The following BMPR1B variants were observed in gnomAD, a reference collection of about 807,000 sequenced individuals.
BMPR1B encodes bone morphogenetic protein receptor type-1B.
In BMPR1B, 12 loss-of-function variants were observed where a neutral mutation model predicts 59.1. That is an observed-to-expected ratio of 0.20 (90% CI 0.13 to 0.33). BMPR1B has a LOEUF of 0.33. Ranked by LOEUF, BMPR1B falls within the 10% of genes least tolerant of loss-of-function variation. The pLI is 1.00. For missense variants in BMPR1B, 550 were observed against 610.9 expected, an observed-to-expected ratio of 0.90 and a Z score of 1.05; for synonymous variants, 237 against 207.3, an observed-to-expected ratio of 1.14 and a Z score of -1.23.
intron 3 of BMPR1B, among the ~76,000 whole-genome samples, chr4:95,016,592 A>G (rs1723602600): frequency 6.6e-6 from 1 of 152,210 alleles, no homozygotes; most frequent in East Asian, 1.9e-4. Flanking sequence ...GCAATTATTT[A>G]TAGATTGTAG....
intron 3 of BMPR1B, among the ~76,000 whole-genome samples, chr4:95,085,263 ATGGGAT>A (rs1396498701): frequency 6.6e-6 from 1 of 152,090 alleles, no homozygotes; most frequent in Non-Finnish European, 1.5e-5. Context: ...GTGAGAAGAG[ATGGGAT>A]CCAGCAGACC....
chr4:95,142,602 T>C (rs945425151), intron 10 of BMPR1B, among the ~76,000 whole-genome samples: 1 of 152,166 alleles, frequency 6.6e-6, no homozygotes, highest in African/African-American at 2.4e-5. Flanking sequence ...CCTCTCTTTC[T>C]TTTAGGCATC....
At chr4:95,117,804 TAA>T (rs1732182507) in intron 6 of BMPR1B, among the ~76,000 whole-genome samples, 1 of 151,894 alleles carries the variant, frequency 6.6e-6, no homozygotes, top group African/African-American at 2.4e-5. Context: ...TCTTTTTAAA[TAA>T]ATAAGAAAAG....
At chr4:94,934,019 C>A (rs1024784271) in intron 2 of BMPR1B, among the ~76,000 whole-genome samples, 2 of 152,136 alleles carry the variant, frequency 1.3e-5, no homozygotes, top group African/African-American at 4.8e-5. Flanking sequence ...TAGATACACC[C>A]TGCAGTAGCT....
At chr4:94,972,135 A>G (rs568220403) in intron 2 of BMPR1B, among the ~76,000 whole-genome samples, 1 of 151,842 alleles carries the variant, frequency 6.6e-6, no homozygotes, top group South Asian at 2.1e-4. Context: ...TTTTTCTACA[A>G]TAAATGATGC....
At chr4:94,786,779 C>T (rs181378293) in intron 1 of BMPR1B, among the ~76,000 whole-genome samples, 11 of 152,144 alleles carry the variant, frequency 7.2e-5, no homozygotes, top group East Asian at 5.8e-4. Context: ...CTCCTGACCT[C>T]GTGATCCACC....
intron 2 of BMPR1B, among the ~76,000 whole-genome samples, chr4:94,915,722 A>G (rs1728458601): frequency 6.6e-6 from 1 of 152,180 alleles, no homozygotes; most frequent in African/African-American, 2.4e-5. Context: ...TATGTGTACA[A>G]TCACGTTTGG....
intron 1 of BMPR1B, among the ~76,000 whole-genome samples, chr4:94,869,314 A>G (rs1282188826): frequency 6.6e-6 from 1 of 151,994 alleles, no homozygotes; most frequent in East Asian, 1.9e-4. Context: ...TTTTCTTTAA[A>G]CCTTTTTCCG....
intron 2 of BMPR1B, among the ~76,000 whole-genome samples, chr4:94,937,901 G>A (rs531953400): frequency 1.8e-4 from 28 of 152,206 alleles, no homozygotes; most frequent in African/African-American, 5.1e-4. Context: ...GTGGCTATGG[G>A]ATAAATGAGT....
chr4:94,969,679 C>A lies in BMPR1B; in HGVS notation c.-112-26361C>A, dbSNP rs1022389264. Among the ~76,000 whole-genome samples the A allele has an allele frequency of 5.9e-5, 9 of 152,266 alleles. No homozygotes were observed. The South Asian group carries it at 1.0e-3, about 18-fold the overall frequency. On this transcript the variant is annotated intron_variant, in intron 2 of 12. Coordinates refer to ENST00000515059, the MANE Select transcript of BMPR1B (RefSeq NM_001203.3). ...TTATTTTTCTCCTTAACATTTATCA[C>A]TAATACATACATATTTCACTTGTGA... is the stretch of plus-strand genomic sequence containing the variant.
At chr4:94,837,197 C>T (rs1208284803) in intron 1 of BMPR1B, among the ~76,000 whole-genome samples, 1 of 147,712 alleles carries the variant, frequency 6.8e-6, no homozygotes. Context: ...TAGCGTGATG[C>T]CTCCAGCTTT....
chr4:94,975,760 T>A (rs1731009248), intron 2 of BMPR1B, among the ~76,000 whole-genome samples: 2 of 152,210 alleles, frequency 1.3e-5, no homozygotes, highest in African/African-American at 4.8e-5. Context: ...TCCCAAAGAT[T>A]TATAGACAAT....
chr4:95,095,139 T>C (rs921803360), intron 3 of BMPR1B, among the ~76,000 whole-genome samples: 1 of 151,984 alleles, frequency 6.6e-6, no homozygotes, highest in Non-Finnish European at 1.5e-5. Context: ...GTGATGAAAA[T>C]GAAACTCAGG....
intron 2 of BMPR1B, among the ~76,000 whole-genome samples, chr4:94,890,518 T>C (rs749235798): frequency 1.3e-5 from 2 of 152,166 alleles, no homozygotes; most frequent in Non-Finnish European, 2.9e-5. Flanking sequence ...ATAATTCTAA[T>C]GTAAAAGTAT....
intron 3 of BMPR1B, among the ~76,000 whole-genome samples, chr4:95,054,381 A>C (rs999215748): frequency 6.6e-6 from 1 of 152,132 alleles, no homozygotes; most frequent in Admixed American, 6.6e-5. Flanking sequence ...ACAGGCTTTG[A>C]AAAAGGAGGC....
intron 1 of BMPR1B, among the ~76,000 whole-genome samples, chr4:94,821,504 A>T (rs910545091): frequency 6.6e-6 from 1 of 152,158 alleles, no homozygotes; most frequent in African/African-American, 2.4e-5. Flanking sequence ...AAATTCATAC[A>T]AAAGAGTTAG....
At chr4:95,132,526 C>A (rs575226139) in intron 10 of BMPR1B, among the ~76,000 whole-genome samples, 1 of 152,142 alleles carries the variant, frequency 6.6e-6, no homozygotes, top group African/African-American at 2.4e-5. Flanking sequence ...TCTTTAAAAA[C>A]AAAGCAAGAG....
intron 3 of BMPR1B, among the ~76,000 whole-genome samples, chr4:95,069,455 C>T (rs1728107630): frequency 6.6e-6 from 1 of 152,200 alleles, no homozygotes; most frequent in Non-Finnish European, 1.5e-5. Flanking sequence ...CTCGACACTC[C>T]TGTCTAGAAC....
chr4:94,855,233 T>C (rs1282637309), intron 1 of BMPR1B, among the ~76,000 whole-genome samples: 1 of 152,208 alleles, frequency 6.6e-6, no homozygotes, highest in African/African-American at 2.4e-5. Flanking sequence ...ACAGTTATTA[T>C]GTTACTTGCC....
Sources: gnomAD v4.1 joint callset for allele counts (sites outside exome capture counted in the v4.1 genomes callset) on GRCh38, gnomAD v4.1.1 for gene constraint, MANE v1.5 for transcripts, NCBI Gene and HGNC (gene_info 2026-07-23, HGNC 2026-07-21) for gene names.